XPO7: variants seen among roughly 807,000 people sequenced by gnomAD.
The protein encoded by XPO7 is exportin 7, also known as exportin-7.
A neutral mutation model predicts 144.3 loss-of-function variants in XPO7; 21 were observed. The ratio of observed to expected loss-of-function variants is 0.15; its 90% CI spans 0.10 to 0.21. XPO7 has a LOEUF of 0.21. Among genes scored for constraint, XPO7 ranks in the 10% least tolerant of loss-of-function variants. The pLI is 1.00. For synonymous variants in XPO7, 580 were observed against 499.6 expected, an observed-to-expected ratio of 1.16 and a Z score of -2.15; for missense variants, 808 against 1,325.8, an observed-to-expected ratio of 0.61 and a Z score of 6.06.
chr8:21,934,408 C>G (rs989265730), intron 1 of XPO7, among the ~76,000 whole-genome samples: 3 of 152,140 alleles, frequency 2.0e-5, no homozygotes, highest in Admixed American at 6.5e-5. Flanking sequence ...TGGCGCATGC[C>G]TGTAATCCCA....
intron 1 of XPO7, among the ~76,000 whole-genome samples, chr8:21,947,379 A>T (rs1811226047): frequency 6.6e-6 from 1 of 152,210 alleles, no homozygotes; most frequent in Non-Finnish European, 1.5e-5. Flanking sequence ...AAAAAGAAAA[A>T]TAGAACAAAT....
intron 26 of XPO7, among the ~76,000 whole-genome samples, 199 bp downstream of exon 26, chr8:22,003,516 G>C (rs1813223764): frequency 6.6e-6 from 1 of 152,206 alleles, no homozygotes; most frequent in Non-Finnish European, 1.5e-5. Flanking sequence ...ATGTGTGGTA[G>C]CTCACAGACA....
In XPO7 at chr8:21,920,195, A is replaced by G. The variant is rs1348243673; in HGVS notation, c.18+407A>G. ...GGGGGACGCCCCCATGACGCCCGCC[A>G]TCCCTCAGCAGATAACAAAAAGGAA... On this transcript the variant is annotated intron_variant, in intron 1 of 27. Coordinates refer to ENST00000252512, the MANE Select transcript of XPO7 (RefSeq NM_015024.5). 3.2e-5 allele frequency among the ~76,000 whole-genome samples: 4 copies of G among 126,660 alleles called. No individual in the cohort carries two copies. The Admixed American group carries it at 3.7e-4, about 12-fold the overall frequency. 83.1% of individuals were successfully genotyped at this position (126,660 alleles called of 152,430 possible).
At chr8:21,932,493 T>C (rs1810683804) in intron 1 of XPO7, among the ~76,000 whole-genome samples, 1 of 152,252 alleles carries the variant, frequency 6.6e-6, no homozygotes. Context: ...TTGTGATTGC[T>C]TTTATCTTTC....
rs545547348 is a variant in XPO7, at chr8:21,940,051, C to G, written c.18+20263C>G. Among the ~76,000 whole-genome samples the G allele has an allele frequency of 3.9e-5, 6 of 152,330 alleles. No homozygotes were observed. The East Asian group carries it at 1.2e-3, about 29-fold the overall frequency. ...TTCAAATGTGAAGTTGATCTTCACA[C>G]TCCTAAATCTAAATAGCTAAATCTA... On this transcript the variant is annotated intron_variant, in intron 1 of 27. Transcript: ENST00000252512.
chr8:21,926,627 CGTT>C (rs10577591), intron 1 of XPO7, among the ~76,000 whole-genome samples: 50,081 of 151,530 alleles, frequency 0.33, 10,068 homozygotes, highest in Admixed American at 0.49. Context: ...TCCAAAAAGA[CGTT>C]GTCTAAAATT....
chr8:21,969,316 A>G (rs1029196230), intron 2 of XPO7, among the ~76,000 whole-genome samples, 167 bp from the exon 3 acceptor site: 43 of 146,532 alleles, frequency 2.9e-4, no homozygotes, highest in Admixed American at 1.5e-3. Flanking sequence ...AACTTATGCT[A>G]TGTGGTTCAT....
rs1813072230 is a variant in XPO7, at chr8:21,999,685, G to A, written c.2782+11G>A. 4 of 1,613,744 alleles carry A rather than the reference G, an allele frequency of 2.5e-6. No homozygotes were observed. Among genetic ancestry groups the A allele is most frequent in the African/African-American group, 1.3e-5 (1 of 74,920 alleles). Reference sequence around the variant, plus strand: ...GACTTACTGCACTTGGTAAGCACCTGAGGTGGGTGGGTGAGTTGGTGGGTT... The same window carrying A: ...GACTTACTGCACTTGGTAAGCACCTAAGGTGGGTGGGTGAGTTGGTGGGTT... On this transcript the variant is annotated intron_variant, in intron 24 of 27. Coordinates refer to ENST00000252512, the MANE Select transcript of XPO7 (RefSeq NM_015024.5).
Position 21,985,690 on chromosome 8 carries a change from C to G in XPO7, c.1576C>G (p.Arg526Gly). 6.2e-7 allele frequency: 1 copy of G among 1,613,022 alleles called. No individual in the cohort carries two copies. Among genetic ancestry groups the G allele is most frequent in the Non-Finnish European group, 8.5e-7 (1 of 1,179,746 alleles). ...QDAMDGELVC[R>G]VLQLMNLTDS... ...CGCCATGGATGGTGAGCTTGTCTGT[C>G]GGTAAGTGCTCCCCACAGAAGCTCT... Residue 526 changes from arginine (R) to glycine (G), a missense_variant and splice_region_variant, in exon 13 of 28, where the codon CGG becomes GGG. Physicochemically the swap from Arg to Gly is moderately radical, Grantham distance 125. Around this residue, in one of 5 missense-constraint regions of XPO7, gnomAD observed 416 missense variants for 612.5 expected, o/e 0.68. Transcript: ENST00000252512.
At chr8:21,975,717 A>G (rs1188407712) in intron 6 of XPO7, among the ~76,000 whole-genome samples, 1 of 152,234 alleles carries the variant, frequency 6.6e-6, no homozygotes, top group Admixed American at 6.5e-5. Flanking sequence ...TGAGAAAACT[A>G]AGGATTGAAT....
At chr8:21,922,495 A>G (rs1200586164) in intron 1 of XPO7, among the ~76,000 whole-genome samples, 2 of 152,114 alleles carry the variant, frequency 1.3e-5, no homozygotes, top group African/African-American at 4.8e-5. Context: ...TGCGTGGGAG[A>G]AAAAAATCAA....
At chr8:21,921,880 G>A (rs183835772) in intron 1 of XPO7, among the ~76,000 whole-genome samples, 7 of 152,240 alleles carry the variant, frequency 4.6e-5, no homozygotes, top group Admixed American at 4.6e-4. Flanking sequence ...TTCTTTGTCA[G>A]ACCACTAAGT....
intron 16 of XPO7, among the ~76,000 whole-genome samples, chr8:21,989,821 CT>C (rs1170364778): frequency 1.7e-5 from 1 of 59,676 alleles, no homozygotes; most frequent in Non-Finnish European, 3.6e-5. Context: ...TAGGTGTTTC[CT>C]TTTTTTTTTT....
intron 8 of XPO7, among the ~76,000 whole-genome samples, chr8:21,979,157 T>C (rs1407973902): frequency 1.3e-5 from 2 of 152,208 alleles, no homozygotes; most frequent in Non-Finnish European, 2.9e-5. Context: ...GCGATTCTCC[T>C]GCCTCAGCCT....
chr8:22,002,154 T>C lies in XPO7; in HGVS notation c.2825T>C (p.Ile942Thr), dbSNP rs1170573358. 2 of 1,612,422 alleles carry C rather than the reference T, an allele frequency of 1.2e-6. No individual in the cohort carries two copies. The highest frequency in any genetic ancestry group is 2.2e-5 in the East Asian group (1 of 44,870). Residue 942 changes from isoleucine (I) to threonine (T), a missense_variant, in exon 25 of 28, where the codon ATT becomes ACT. Ile to Thr is a moderately conservative substitution (Grantham distance 89, BLOSUM62 -1). This residue lies in a region of XPO7 where 140 missense variants were observed against 237.9 expected (regional missense o/e 0.59). Coordinates refer to ENST00000252512, the MANE Select transcript of XPO7 (RefSeq NM_015024.5). ...GGCTGCTGCTCCTGCCTGGACCACA[T>C]TGTGACATACCTCTTCAAGCAGCTG... ...CTGCCSCLDH[I>T]VTYLFKQLSR...
chr8:21,983,754 A>G (rs1188681181), intron 11 of XPO7, among the ~76,000 whole-genome samples: 2 of 152,214 alleles, frequency 1.3e-5, no homozygotes, highest in African/African-American at 4.8e-5. Context: ...TTCAAATAAT[A>G]ATAGGCCTGC....
rs373189224 is a variant in XPO7 at position 21,986,821 on chromosome 8, A to G, written c.1578-320A>G. Among the ~76,000 whole-genome samples the G allele has an allele frequency of 5.9e-5, 9 of 152,326 alleles. No individual in the cohort carries two copies. In the East Asian group the frequency reaches 1.5e-3, roughly 26 times the overall value. Reference sequence around the variant, plus strand: ...ATGACTCACTTATTATGACATCTGTATTCGCATTCACTCACTTGCATTCCA... The same window carrying G: ...ATGACTCACTTATTATGACATCTGTGTTCGCATTCACTCACTTGCATTCCA... On this transcript the variant is annotated intron_variant, in intron 13 of 27. Coordinates refer to ENST00000252512, the MANE Select transcript of XPO7 (RefSeq NM_015024.5).
intron 15 of XPO7, 136 bp from the exon 16 acceptor site, chr8:21,988,867 G>T: frequency 2.9e-6 from 2 of 680,908 alleles, no homozygotes; most frequent in African/African-American, 1.8e-5. Flanking sequence ...ATCTTTTTTT[G>T]TGGTCGTGAT....
chr8:21,983,014 T>G lies in XPO7; in HGVS notation c.1277+202T>G, dbSNP rs149813207. On this transcript the variant is annotated intron_variant, in intron 11 of 27. Coordinates refer to ENST00000252512, the MANE Select transcript of XPO7 (RefSeq NM_015024.5). ...AGTCTTGTCTCTTGAACATTTATAT[T>G]CTATTCATATTCCCCCTTTTCACTG... Among the ~76,000 whole-genome samples the G allele has an allele frequency of 4.6e-5, 7 of 152,380 alleles. No homozygotes were observed. The East Asian group carries it at 1.3e-3, about 29-fold the overall frequency.
Sources: allele counts gnomAD v4.1 joint callset (sites outside exome capture counted in the v4.1 genomes callset), GRCh38; gene constraint gnomAD v4.1.1; regional missense constraint gnomAD v4.1.1; transcripts MANE v1.5; gene names NCBI Gene and HGNC (gene_info 2026-07-23, HGNC 2026-07-21).